AFF4: variants seen among roughly 807,000 people sequenced by gnomAD.
The protein encoded by AFF4 is ALF transcription elongation factor 4, also known as AF4/FMR2 family member 4.
A neutral mutation model predicts 124.8 loss-of-function variants in AFF4; 13 were observed. That is an observed-to-expected ratio of 0.10 (90% CI 0.07 to 0.17). The LOEUF is 0.17. AFF4 is among the 10% of genes least tolerant of loss of function. The probability of loss-of-function intolerance (pLI) is 1.00; values close to 1 mark genes in which losing one functional copy is unlikely to be tolerated. For missense variants in AFF4, 1,092 were observed against 1,403.8 expected (o/e 0.78, Z 3.55); for synonymous variants, 477 against 496.1 (o/e 0.96, Z 0.51).
At chr5:132,919,337 A>G (rs1231113947) in intron 5 of AFF4, among the ~76,000 whole-genome samples, 1 of 152,208 alleles carries the variant, frequency 6.6e-6, no homozygotes, top group Non-Finnish European at 1.5e-5. Flanking sequence ...ATGACAGACA[A>G]ACAGGTTAAT....
Position 132,961,795 on chromosome 5 carries a change from G to A in AFF4, c.-5+1464C>T, listed in dbSNP as rs115980905. 5.1e-3 allele frequency among the ~76,000 whole-genome samples: 782 copies of A among 152,130 alleles called. 5 individuals carry two copies. The highest frequency in any genetic ancestry group is 0.018 in the African/African-American group (743 of 41,490). ...AAGTAAAATTTGCCTACTGTTTCTA[G>A]AGAGTTAACAAAAATCAAAGTACCA... On this transcript the variant is annotated intron_variant, in intron 1 of 20. Coordinates refer to ENST00000265343, the MANE Select transcript of AFF4 (RefSeq NM_014423.4).
rs1443239499 is a variant in AFF4 at position 132,892,275 on chromosome 5, C to T, written c.2526G>A (p.Lys842=). The T allele has an allele frequency of 1.9e-6, 3 of 1,613,948 alleles. No homozygotes were observed. Among genetic ancestry groups the T allele is most frequent in the Middle Eastern group, 1.6e-4 (1 of 6,084 alleles). Residue 842 remains lysine (K), a synonymous_variant, in exon 13 of 21, where the codon AAG becomes AAA. Transcript: ENST00000265343. The part of the protein sequence containing the change: ...KRTISQSSSL[K]SSSNSNKETS... The stretch of plus-strand genomic sequence containing the variant: ...TCTCCTTGTTGCTGTTACTGCTTGA[C>T]TTTAAGGAAGAAGACTGACTAATAG...
At chr5:132,946,170 C>T (rs770093184) in intron 1 of AFF4, among the ~76,000 whole-genome samples, 3 of 152,176 alleles carry the variant, frequency 2.0e-5, no homozygotes, top group African/African-American at 4.8e-5. Context: ...CAAAATAACA[C>T]GTGTTGGTGA....
intron 8 of AFF4, 105 bp downstream of exon 8, chr5:132,899,482 A>G: frequency 9.6e-7 from 1 of 1,047,094 alleles, no homozygotes; most frequent in Non-Finnish European, 1.4e-6. Flanking sequence ...GAAAGCTTAT[A>G]AGAAACTTAT....
chr5:132,889,347 G>T (rs1026237682), intron 13 of AFF4, among the ~76,000 whole-genome samples, 174 bp from the exon 14 acceptor site: 5 of 150,500 alleles, frequency 3.3e-5, no homozygotes, highest in African/African-American at 2.4e-5. Flanking sequence ...AAAAAAAAAA[G>T]GGTCCATTTT....
chr5:132,946,941 C>A (rs1284826876), intron 1 of AFF4, among the ~76,000 whole-genome samples: 1 of 152,070 alleles, frequency 6.6e-6, no homozygotes, highest in Non-Finnish European at 1.5e-5. Context: ...CCTGTAGTCC[C>A]AGCTACTTGG....
At chr5:132,898,146 T>G in intron 10 of AFF4, 84 bp downstream of exon 10, 1 of 1,495,374 alleles carries the variant, frequency 6.7e-7, no homozygotes. Context: ...TCCTTCTCCT[T>G]TTATATTTGG....
chr5:132,950,428 G>A (rs1460114953), intron 1 of AFF4, among the ~76,000 whole-genome samples: 3 of 152,150 alleles, frequency 2.0e-5, no homozygotes, highest in Non-Finnish European at 4.4e-5. Context: ...AGCTGAGATC[G>A]TGCCATTGCA....
chr5:132,914,005 A>G (rs2150084131), intron 5 of AFF4, among the ~76,000 whole-genome samples: 1 of 152,296 alleles, frequency 6.6e-6, no homozygotes, highest in East Asian at 1.9e-4. Flanking sequence ...AGGTGGGTGG[A>G]TCGCTTGAGT....
chr5:132,949,702 G>GCGCA (rs1761788676), intron 1 of AFF4, among the ~76,000 whole-genome samples: 1 of 132,576 alleles, frequency 7.5e-6, no homozygotes. Context: ...ACACACACAC[G>GCGCA]CGCGCGCGCG....
chr5:132,886,586 A>G (rs1352310123), intron 17 of AFF4, among the ~76,000 whole-genome samples, 183 bp from the exon 18 acceptor site: 1 of 152,252 alleles, frequency 6.6e-6, no homozygotes, highest in African/African-American at 2.4e-5. Context: ...GGAGGGGAAG[A>G]TGGCTAAGAA....
intron 1 of AFF4, among the ~76,000 whole-genome samples, chr5:132,941,085 A>AT (rs1459718045): frequency 2.6e-5 from 4 of 151,462 alleles, no homozygotes; most frequent in Admixed American, 2.0e-4. Flanking sequence ...CTTATTCTCT[A>AT]TTTTTTTCTG....
intron 1 of AFF4, among the ~76,000 whole-genome samples, chr5:132,944,608 C>T (rs1023420373): frequency 6.6e-5 from 10 of 152,106 alleles, no homozygotes; most frequent in African/African-American, 2.4e-4. Flanking sequence ...GGTAGTATCA[C>T]TGCACTCCAG....
rs1759867380 is a variant in AFF4 at position 132,877,488 on chromosome 5, ACAT to A, written c.*3568_*3570del. The A allele has an allele frequency of 4.7e-6, 1 of 213,284 alleles. No individual in the cohort carries two copies. Among genetic ancestry groups the A allele is most frequent in the African/African-American group, 2.3e-5 (1 of 44,232 alleles). The allele number at this position is 213,284 out of a possible 1,614,324, so 13.2% of individuals were successfully genotyped here. A position where few individuals can be genotyped will look rare whatever the true frequency, so the allele number is the denominator to read the frequency against. The stretch of plus-strand genomic sequence containing the variant: ...CACTAAGCTAAAATACTAAACACAC[ACAT>A]ATTTGACAAACTAATTTCATGTTTT... On this transcript the variant is annotated 3_prime_UTR_variant, in exon 21 of 21. Coordinates refer to ENST00000265343, the MANE Select transcript of AFF4 (RefSeq NM_014423.4).
chr5:132,904,382 C>G lies in AFF4; in HGVS notation c.1073G>C (p.Gly358Ala). The G allele has an allele frequency of 1.2e-6, 2 of 1,611,084 alleles. No homozygotes were observed. The highest frequency in any genetic ancestry group is 1.7e-6 in the Non-Finnish European group (2 of 1,178,676). The change falls in exon 6 of 21, where the codon GGC (glycine) becomes GCC (alanine). Residue 358 changes from glycine (G) to alanine (A), a missense_variant. Physicochemically the swap from Gly to Ala is moderately conservative, Grantham distance 60 (BLOSUM62 0). Around this residue, in one of 11 missense-constraint regions of AFF4, gnomAD observed 148 missense variants for 196.3 expected, o/e 0.75. Transcript: ENST00000265343. The stretch of plus-strand genomic sequence containing the variant: ...GAAATACTCACTTTGTTCTCCAGTG[C>G]CAAAATTGGACTGCTGAGACTCCTA... ...PTKESQQSNF[G>A]TGEQKRYNPS...
At chr5:132,904,221 C>T in intron 6 of AFF4, 147 bp downstream of exon 6, 1 of 548,488 alleles carries the variant, frequency 1.8e-6, no homozygotes, top group Non-Finnish European at 2.8e-6. Flanking sequence ...CACACCACTA[C>T]ACTCCAGAAA....
At chr5:132,890,203 T>A (rs1433016079) in intron 13 of AFF4, among the ~76,000 whole-genome samples, 1 of 151,744 alleles carries the variant, frequency 6.6e-6, no homozygotes, top group Non-Finnish European at 1.5e-5. Flanking sequence ...TATATAATTA[T>A]ACTTTGAAAT....
At chr5:132,887,633 T>G in intron 16 of AFF4, 41 bp from the exon 17 acceptor site, 2 of 1,570,734 alleles carry the variant, frequency 1.3e-6, no homozygotes, top group Middle Eastern at 1.7e-4. Context: ...AACAGAATAC[T>G]TCACCTTGAT....
chr5:132,918,089 T>C (rs1255810026), intron 5 of AFF4, among the ~76,000 whole-genome samples: 2 of 151,190 alleles, frequency 1.3e-5, no homozygotes, highest in Non-Finnish European at 3.0e-5. Flanking sequence ...CCATTTATAA[T>C]AGCACTAAAA....
Sources: allele counts gnomAD v4.1 joint callset (sites outside exome capture counted in the v4.1 genomes callset), GRCh38; gene constraint gnomAD v4.1.1; regional missense constraint gnomAD v4.1.1; transcripts MANE v1.5; gene names NCBI Gene and HGNC (gene_info 2026-07-23, HGNC 2026-07-21).